The following NCDN variants were observed in gnomAD, a reference collection of about 807,000 sequenced individuals.
NCDN encodes neurochondrin.
Under a neutral mutation model 60.7 loss-of-function variants are expected in NCDN, and 9 were observed. That is an observed-to-expected ratio of 0.15 (90% CI 0.09 to 0.26). The LOEUF (loss-of-function observed/expected upper bound fraction) is 0.26, where lower values mean the gene tolerates loss of function less well. NCDN is among the 10% of genes least tolerant of loss of function. NCDN has a pLI of 1.00. For synonymous variants in NCDN, 409 were observed against 442.5 expected (o/e 0.92, Z 0.95); for missense variants, 578 against 975.2 (o/e 0.59, Z 5.42).
intron 2 of NCDN, among the ~76,000 whole-genome samples, chr1:35,559,841 G>C (rs1187432930): frequency 6.6e-6 from 1 of 152,132 alleles, no homozygotes; most frequent in Admixed American, 6.5e-5. Context: ...TCACACTGCA[G>C]CAGAGGAGGT....
Position 35,559,107 on chromosome 1 carries a change from T to C in NCDN, c.34T>C (p.Leu12=). Residue 12 remains leucine (L), a splice_region_variant and synonymous_variant, in exon 2 of 7, where the codon TTG becomes CTG. Transcript: ENST00000373243. ...TGCTCAGTCCCTCTTGTGTTCACAGTTGGGCAAGGCGAGCATCATGGCCTC... is the reference window on the plus strand; with the variant it reads ...TGCTCAGTCCCTCTTGTGTTCACAGCTGGGCAAGGCGAGCATCATGGCCTC... ...SCCDLAAAGQ[L]GKASIMASDC... 6.5e-7 allele frequency: 1 copy of C among 1,539,462 alleles called. No individual in the cohort carries two copies. The highest frequency in any genetic ancestry group is 8.8e-7 in the Non-Finnish European group (1 of 1,134,774).
At chr1:35,559,527 A>G (rs1288497353) in intron 2 of NCDN, among the ~76,000 whole-genome samples, 1 of 152,168 alleles carries the variant, frequency 6.6e-6, no homozygotes, top group Non-Finnish European at 1.5e-5. Context: ...GGGTAACAGC[A>G]GCAGGTAGTA....
At chr1:35,564,708 TACC>T (rs1648815835) in intron 6 of NCDN, among the ~76,000 whole-genome samples, 3 of 152,156 alleles carry the variant, frequency 2.0e-5, no homozygotes, top group African/African-American at 4.8e-5. Context: ...CACCCTCAAA[TACC>T]ACCAGGTTAG....
chr1:35,566,664 C>T lies in NCDN; in HGVS notation c.*1001C>T. 1 of 415,168 alleles carries T rather than the reference C, an allele frequency of 2.4e-6. No individual in the cohort carries two copies. The highest frequency in any genetic ancestry group is 4.9e-6 in the Non-Finnish European group (1 of 206,024). The allele number at this position is 415,168 out of a possible 1,614,324, so 25.7% of individuals were successfully genotyped here. On this transcript the variant is annotated 3_prime_UTR_variant, in exon 7 of 7. Coordinates refer to ENST00000373243, the MANE Select transcript of NCDN (RefSeq NM_014284.3). This position sits in a 1 kb window ranked among gnomAD's most constrained non-coding sequence, Gnocchi z 5.3. ...ACACACACACACACACACACACACACACACACACACACACACTCTTGATCC... is the reference window on the plus strand; with the variant it reads ...ACACACACACACACACACACACACATACACACACACACACACTCTTGATCC...
Position 35,566,671 on chromosome 1 carries a change from ACACACACACT to A in NCDN, c.*1010_*1019del, listed in dbSNP as rs1461227320. On this transcript the variant is annotated 3_prime_UTR_variant, in exon 7 of 7. Transcript: ENST00000373243. This position sits in a 1 kb window ranked among gnomAD's most constrained non-coding sequence, Gnocchi z 5.3. ...CACACACACACACACACACACACACACACACACACTCTTGATCCCTTGCTTCCCTCCCCCA... is the reference window on the plus strand; with the variant it reads ...CACACACACACACACACACACACACACTTGATCCCTTGCTTCCCTCCCCCA... 1 of 416,106 alleles carries A rather than the reference ACACACACACT, an allele frequency of 2.4e-6. No individual in the cohort carries two copies. The highest frequency in any genetic ancestry group is 4.8e-6 in the Non-Finnish European group (1 of 208,068). 25.8% of individuals were successfully genotyped at this position (416,106 alleles called of 1,614,324 possible).
At chr1:35,564,048 TC>T in intron 6 of NCDN, 139 bp downstream of exon 6, 1 of 1,054,396 alleles carries the variant, frequency 9.5e-7, no homozygotes, top group Non-Finnish European at 1.3e-6. Context: ...GCAGTGTATC[TC>T]CATCCCCTAC....
At position 35,558,231 on chromosome 1, in the gene NCDN, CCG is replaced by C. The variant is rs766521759; in HGVS notation, c.33+10_33+11del. On this transcript the variant is annotated intron_variant, in intron 1 of 6. Coordinates refer to ENST00000373243, the MANE Select transcript of NCDN (RefSeq NM_014284.3). This position sits in a 1 kb window ranked among gnomAD's most constrained non-coding sequence, Gnocchi z 6.3. ...CTGGCTGCGGCGGGACAGGTGGTGA[CCG>C]CCAGGAACCCTCCTCCCCTTCTCAT... 1.9e-6 allele frequency: 3 copies of C among 1,614,002 alleles called. No homozygotes were observed. The East Asian group carries it at 6.7e-5, about 36-fold the overall frequency.
Position 35,561,387 on chromosome 1 carries a change from G to A in NCDN, c.1143+93G>A. On this transcript the variant is annotated intron_variant, in intron 3 of 6. Coordinates refer to ENST00000373243, the MANE Select transcript of NCDN (RefSeq NM_014284.3). This position sits in a 1 kb window ranked among gnomAD's most constrained non-coding sequence, Gnocchi z 4.9. ...GGGGGAGGAGAATAATGGGGAGACA[G>A]CGAAGCTGCATGTCCACACAAGCTG... 15 of 1,466,628 alleles carry A rather than the reference G, an allele frequency of 1.0e-5. No homozygotes were observed. Among genetic ancestry groups the A allele is most frequent in the Non-Finnish European group, 1.2e-5 (13 of 1,111,678 alleles). The allele number at this position is 1,466,628 out of a possible 1,614,324, so 90.9% of individuals were successfully genotyped here.
Position 35,565,147 on chromosome 1 carries a change from C to A in NCDN, c.1754-80C>A. The A allele has an allele frequency of 7.0e-7, 1 of 1,425,300 alleles. No homozygotes were observed. The highest frequency in any genetic ancestry group is 9.6e-7 in the Non-Finnish European group (1 of 1,042,976). 88.3% of individuals were successfully genotyped at this position (1,425,300 alleles called of 1,614,324 possible). On this transcript the variant is annotated intron_variant, in intron 6 of 6. Coordinates refer to ENST00000373243, the MANE Select transcript of NCDN (RefSeq NM_014284.3). The surrounding 1 kb of genome is among the most constrained non-coding windows in gnomAD (Gnocchi z 8.9). Reference sequence around the variant, plus strand: ...GCTGTGCCCTGGCTCCTGCATGTGTCTACACAGAGGACTAGGGAAGGGTCT... The same window carrying A: ...GCTGTGCCCTGGCTCCTGCATGTGTATACACAGAGGACTAGGGAAGGGTCT...
chr1:35,566,638 C>A lies in NCDN; in HGVS notation c.*975C>A. On this transcript the variant is annotated 3_prime_UTR_variant, in exon 7 of 7. Transcript: ENST00000373243. This position sits in a 1 kb window ranked among gnomAD's most constrained non-coding sequence, Gnocchi z 5.3. ...TATAAACCCAGGGGGACCACACACA[C>A]ACACACACACACACACACACACACA... 1 of 308,118 alleles carries A rather than the reference C, an allele frequency of 3.2e-6. No homozygotes were observed. Among genetic ancestry groups the A allele is most frequent in the Admixed American group, 4.4e-5 (1 of 22,772 alleles). 19.1% of individuals were successfully genotyped at this position (308,118 alleles called of 1,614,324 possible).
In NCDN at chr1:35,562,764, T is replaced by G; in HGVS notation, c.1385+131T>G. The G allele has an allele frequency of 4.6e-6, 6 of 1,315,030 alleles. No individual in the cohort carries two copies. The highest frequency in any genetic ancestry group is 6.1e-6 in the Non-Finnish European group (6 of 988,472). The allele number at this position is 1,315,030 out of a possible 1,614,324, so 81.5% of individuals were successfully genotyped here. On this transcript the variant is annotated intron_variant, in intron 4 of 6. Coordinates refer to ENST00000373243, the MANE Select transcript of NCDN (RefSeq NM_014284.3). This position sits in a 1 kb window ranked among gnomAD's most constrained non-coding sequence, Gnocchi z 6.8. Reference sequence around the variant, plus strand: ...GCCATGAGATATCCCTTAGGGTTATTTCTGTTTTGGGGGGCTTGTTCCCAC... The same window carrying G: ...GCCATGAGATATCCCTTAGGGTTATGTCTGTTTTGGGGGGCTTGTTCCCAC...
rs1571086302 is a variant in NCDN, at chr1:35,563,552, T to G, written c.1610+126T>G. On this transcript the variant is annotated intron_variant, in intron 5 of 6. Transcript: ENST00000373243. This position sits in a 1 kb window ranked among gnomAD's most constrained non-coding sequence, Gnocchi z 6.6. The stretch of plus-strand genomic sequence containing the variant: ...GGATTTGTTAGTGGTAGCATGGGGG[T>G]CTCAGAGTAGACATAGCCAGCCCCG... 8.7e-7 allele frequency: 1 copy of G among 1,149,974 alleles called. No homozygotes were observed. The highest frequency in any genetic ancestry group is 1.2e-6 in the Non-Finnish European group (1 of 806,624). 71.2% of individuals were successfully genotyped at this position (1,149,974 alleles called of 1,614,324 possible).
intron 1 of NCDN, 22 bp from the exon 2 acceptor site, chr1:35,559,085 T>C: frequency 7.9e-7 from 1 of 1,258,414 alleles, no homozygotes; most frequent in Non-Finnish European, 1.1e-6. Flanking sequence ...AGAGGGATGC[T>C]CAGTCCCTCT....
chr1:35,564,095 T>C (rs1648796563), intron 6 of NCDN, among the ~76,000 whole-genome samples, 186 bp downstream of exon 6: 2 of 152,320 alleles, frequency 1.3e-5, no homozygotes, highest in East Asian at 3.9e-4. Flanking sequence ...ACATTCTCTT[T>C]CTTCTGAAGA....
chr1:35,561,812 C>G lies in NCDN; in HGVS notation c.1143+518C>G, dbSNP rs1292888388. On this transcript the variant is annotated intron_variant, in intron 3 of 6. Transcript: ENST00000373243. The surrounding 1 kb of genome is among the most constrained non-coding windows in gnomAD (Gnocchi z 4.9). ...CTCCCCGCCTGAGAGGCCAGCTGTCCTGTCCCACAGGGATTCAGTCATGAC... is the reference window on the plus strand; with the variant it reads ...CTCCCCGCCTGAGAGGCCAGCTGTCGTGTCCCACAGGGATTCAGTCATGAC... Among the ~76,000 whole-genome samples, 4 of 152,156 alleles carry G rather than the reference C, an allele frequency of 2.6e-5. No homozygotes were observed. Among genetic ancestry groups the G allele is most frequent in the African/African-American group, 4.8e-5 (2 of 41,428 alleles).
In NCDN at chr1:35,562,487, G is replaced by C. The variant is rs988414930; in HGVS notation, c.1239G>C (p.Glu413Asp). ...AGGAGACCTCATCCTTGCGTAAGGA[G>C]GTGTGCCAGCTGCTGCCCTTCCTCG... The part of the protein sequence containing the change: ...LAEETSSLRK[E>D]VCQLLPFLVR... Residue 413 changes from glutamate to aspartate, a missense_variant, in exon 4 of 7, where the codon GAG (glutamate) becomes GAC (aspartate). By Grantham distance (45) the Glu-to-Asp change is conservative. This residue lies in a region of NCDN where 363 missense variants were observed against 583.6 expected (regional missense o/e 0.62). Transcript: ENST00000373243. This position sits in a 1 kb window ranked among gnomAD's most constrained non-coding sequence, Gnocchi z 6.8. 1.2e-6 allele frequency: 2 copies of C among 1,614,174 alleles called. No homozygotes were observed. The highest frequency in any genetic ancestry group is 2.7e-5 in the African/African-American group (2 of 75,032).
rs751812100 is a variant in NCDN, at chr1:35,565,678, G to A, written c.*15G>A. 2.0e-6 allele frequency: 3 copies of A among 1,536,886 alleles called. No homozygotes were observed. In the East Asian group the frequency reaches 7.2e-5, roughly 37 times the overall value. ...CAGAGCCCTGAGGGGTGTCCACCGG[G>A]GACAGACCCAGGGGCGGGCAGAGAG... On this transcript the variant is annotated 3_prime_UTR_variant, in exon 7 of 7. Coordinates refer to ENST00000373243, the MANE Select transcript of NCDN (RefSeq NM_014284.3). This position sits in a 1 kb window ranked among gnomAD's most constrained non-coding sequence, Gnocchi z 8.9.
Position 35,559,186 on chromosome 1 carries a change from G to A in NCDN, c.113G>A (p.Arg38His), listed in dbSNP as rs750407823. 24 of 1,613,964 alleles carry A rather than the reference G, an allele frequency of 1.5e-5. No individual in the cohort carries two copies. The African/African-American group carries it at 1.7e-4, about 12-fold the overall frequency. ...QAEGRNPTLE[R>H]YLGALREAKN... ...GAGGGCCGAAACCCCACCCTGGAGC[G>A]CTACCTGGGAGCCCTCCGTGAGGCC... The change falls in exon 2 of 7, where the codon CGC becomes CAC. Residue 38 changes from arginine to histidine, a missense_variant. Coordinates refer to ENST00000373243, the MANE Select transcript of NCDN (RefSeq NM_014284.3).
At position 35,558,817 on chromosome 1, in the gene NCDN, A is replaced by C; in HGVS notation, c.34-290A>C. 2.6e-6 allele frequency: 2 copies of C among 766,676 alleles called. No individual in the cohort carries two copies. The highest frequency in any genetic ancestry group is 1.7e-5 in the African/African-American group (1 of 57,416). 47.5% of individuals were successfully genotyped at this position (766,676 alleles called of 1,614,324 possible). A position where few individuals can be genotyped will look rare whatever the true frequency, so the allele number is the denominator to read the frequency against. On this transcript the variant is annotated intron_variant, in intron 1 of 6. Coordinates refer to ENST00000373243, the MANE Select transcript of NCDN (RefSeq NM_014284.3). This position sits in a 1 kb window ranked among gnomAD's most constrained non-coding sequence, Gnocchi z 6.3. Reference sequence around the variant, plus strand: ...GGGCCAGCTCCCGCCCACCCCCAGGAGACTGGTGAGGAGAGCTGTCCGGCT... The same window carrying C: ...GGGCCAGCTCCCGCCCACCCCCAGGCGACTGGTGAGGAGAGCTGTCCGGCT...
Sources: gnomAD v4.1 joint callset for allele counts (sites outside exome capture counted in the v4.1 genomes callset) on GRCh38, gnomAD v4.1.1 for gene constraint, gnomAD v4.1.1 regional missense constraint, Gnocchi (gnomAD v3.1) non-coding constraint, MANE v1.5 for transcripts, NCBI Gene and HGNC (gene_info 2026-07-23, HGNC 2026-07-21) for gene names.